Variants in RAG1 observed in about 807,000 individuals in gnomAD.
RAG1 encodes V(D)J recombination-activating protein 1.
A neutral mutation model predicts 62.7 loss-of-function variants in RAG1; 35 were observed. That is an observed-to-expected ratio of 0.56 (90% CI 0.43 to 0.74). The LOEUF is 0.74. Among genes scored for constraint, RAG1 ranks in the 30% least tolerant of loss-of-function variants. The pLI is 0.00. For synonymous variants in RAG1, 461 were observed against 470.3 expected (o/e 0.98, Z 0.26); for missense variants, 1,169 against 1,278.6 (o/e 0.91, Z 1.31).
intron 3 of RAG1, among the ~76,000 whole-genome samples, chr11:36,560,987 T>C (rs2133280300): frequency 6.6e-6 from 1 of 152,340 alleles, no homozygotes; most frequent in Admixed American, 6.5e-5. Context: ...GGAGGTGAGC[T>C]TTGACACTTC....
chr11:36,569,804 G>C (rs1265876103), intron 1 of RAG1, among the ~76,000 whole-genome samples: 1 of 152,134 alleles, frequency 6.6e-6, no homozygotes. Flanking sequence ...ACACTGTTAA[G>C]ATTTTAGTGT....
downstream of RAG1, among the ~76,000 whole-genome samples, chr11:36,541,006 A>G (rs1188304510): frequency 6.6e-6 from 1 of 152,176 alleles, no homozygotes; most frequent in East Asian, 1.9e-4. Context: ...CTCTCCCAAC[A>G]GACATGAGTA....
chr11:36,563,820 C>A (rs979463737), upstream of RAG1, among the ~76,000 whole-genome samples: 63 of 152,118 alleles, frequency 4.1e-4, no homozygotes, highest in Non-Finnish European at 6.0e-4. Context: ...GCAAACTGGG[C>A]AGTTGCCTAG....
intron 3 of RAG1, among the ~76,000 whole-genome samples, chr11:36,550,954 G>A (rs1850472858): frequency 6.6e-6 from 1 of 152,154 alleles, no homozygotes; most frequent in African/African-American, 2.4e-5. Context: ...CCTTGGTTCA[G>A]TGAAGGAGGC....
chr11:36,551,828 A>G (rs200788779), intron 3 of RAG1, among the ~76,000 whole-genome samples: 1,815 of 145,644 alleles, frequency 0.012, 20 homozygotes, highest in East Asian at 0.032. Context: ...TCATTGTTCA[A>G]TTCCCACCTA....
chr11:36,517,056 C>G (rs1341014945), intron 1 of RAG1, among the ~76,000 whole-genome samples: 3 of 152,156 alleles, frequency 2.0e-5, no homozygotes, highest in African/African-American at 7.2e-5. Flanking sequence ...AGGAGAGAAT[C>G]TGAGGCAGGA....
At position 36,577,780 on chromosome 11, in the gene RAG1, C is replaced by G. The variant is rs1590705492; in HGVS notation, c.*1344C>G. The G allele has an allele frequency of 6.0e-6, 1 of 167,058 alleles. No homozygotes were observed. The highest frequency in any genetic ancestry group is 2.4e-5 in the African/African-American group (1 of 41,444). The allele number at this position is 167,058 out of a possible 1,614,324, so 10.3% of individuals were successfully genotyped here. On this transcript the variant is annotated 3_prime_UTR_variant, in exon 2 of 2. Coordinates refer to ENST00000299440, the MANE Select transcript of RAG1 (RefSeq NM_000448.3). ...GTCTCCAAAGCCCTTCTTCTTTCCA[C>G]CACAAATTAATCACTATGTTTATAA... is the stretch of plus-strand genomic sequence containing the variant.
At chr11:36,531,599 G>A (rs192499846) in intron 2 of RAG1, among the ~76,000 whole-genome samples, 24 of 151,900 alleles carry the variant, frequency 1.6e-4, no homozygotes, top group African/African-American at 4.6e-4. Flanking sequence ...TGTAGAAAAC[G>A]TAACTCCTTT....
chr11:36,522,264 G>T (rs1160174963), intron 2 of RAG1, among the ~76,000 whole-genome samples: 1 of 152,196 alleles, frequency 6.6e-6, no homozygotes, highest in Non-Finnish European at 1.5e-5. Context: ...CCGGCCCAGG[G>T]CTCCTGTGCT....
chr11:36,568,513 A>C (rs540771577), intron 1 of RAG1, among the ~76,000 whole-genome samples: 1 of 152,354 alleles, frequency 6.6e-6, no homozygotes, highest in Admixed American at 6.5e-5. Context: ...TTTCCCAGGT[A>C]TTAACAAGTA....
downstream of RAG1, among the ~76,000 whole-genome samples, chr11:36,537,252 A>G (rs1331854672): frequency 6.6e-6 from 1 of 152,204 alleles, no homozygotes; most frequent in African/African-American, 2.4e-5. Context: ...GCACTTTAAA[A>G]TATGTTTAAA....
Position 36,575,569 on chromosome 11 carries a change from G to T in RAG1, c.2265G>T (p.Glu755Asp), listed in dbSNP as rs769483414. 1 of 1,614,220 alleles carries T rather than the reference G, an allele frequency of 6.2e-7. No individual in the cohort carries two copies. The highest frequency in any genetic ancestry group is 8.5e-7 in the Non-Finnish European group (1 of 1,180,040). The change falls in exon 2 of 2, where the codon GAG becomes GAT. Residue 755 changes from glutamate to aspartate, a missense_variant. By Grantham distance (45) the Glu-to-Asp change is conservative (BLOSUM62 2). Coordinates refer to ENST00000299440, the MANE Select transcript of RAG1 (RefSeq NM_000448.3). This position sits in a 1 kb window ranked among gnomAD's most constrained non-coding sequence, Gnocchi z 4.1. ...VFHSITRSHA[E>D]NLERYEVWRS... ...ACTCTATAACCAGAAGCCATGCTGA[G>T]AACCTGGAACGTTATGAGGTCTGGC...
At chr11:36,569,118 G>T (rs1256004866) in intron 1 of RAG1, among the ~76,000 whole-genome samples, 1 of 152,112 alleles carries the variant, frequency 6.6e-6, no homozygotes, top group Non-Finnish European at 1.5e-5. Context: ...GTGGGCAGCT[G>T]GGATGGAAAT....
rs1188280286 is a variant in RAG1 at position 36,579,006 on chromosome 11, T to C, written c.*2570T>C. 6.0e-6 allele frequency: 1 copy of C among 167,070 alleles called. No homozygotes were observed. Among genetic ancestry groups the C allele is most frequent in the Non-Finnish European group, 1.5e-5 (1 of 68,128 alleles). 10.3% of individuals were successfully genotyped at this position (167,070 alleles called of 1,614,324 possible). A position where few individuals can be genotyped will look rare whatever the true frequency, so the allele number is the denominator to read the frequency against. ...TGCAGGGACCAGTGATAATGGCTGA[T>C]GAAAATTGATGATTGGTCAGTGAGG... On this transcript the variant is annotated 3_prime_UTR_variant, in exon 2 of 2. Transcript: ENST00000299440.
chr11:36,571,990 G>A (rs1341694578), intron 1 of RAG1, among the ~76,000 whole-genome samples: 1 of 152,130 alleles, frequency 6.6e-6, no homozygotes, highest in Non-Finnish European at 1.5e-5. Flanking sequence ...GACTTGAAAA[G>A]AGGCTTTGGT....
At chr11:36,512,097 G>A (rs1859933163) in intron 1 of RAG1, among the ~76,000 whole-genome samples, 1 of 152,196 alleles carries the variant, frequency 6.6e-6, no homozygotes, top group South Asian at 2.1e-4. Flanking sequence ...ATAGGAGAGA[G>A]TTTTAGTGCT....
chr11:36,545,667 C>T (rs550868062), intron 3 of RAG1, among the ~76,000 whole-genome samples: 6 of 152,240 alleles, frequency 3.9e-5, no homozygotes, highest in Non-Finnish European at 7.4e-5. Flanking sequence ...TGTACTTTTT[C>T]CAGCTTCTGT....
At chr11:36,562,604 A>G (rs889644836) in intron 3 of RAG1, among the ~76,000 whole-genome samples, 2 of 152,138 alleles carry the variant, frequency 1.3e-5, no homozygotes, top group African/African-American at 4.8e-5. Flanking sequence ...ACTCATTAAG[A>G]ATGAAGCCCA....
At chr11:36,522,146 A>T (rs183864321) in intron 2 of RAG1, among the ~76,000 whole-genome samples, 40 of 152,332 alleles carry the variant, frequency 2.6e-4, no homozygotes, top group African/African-American at 9.6e-4. Flanking sequence ...CCGAATGTTA[A>T]TCTCCAAGAC....
Sources: gnomAD v4.1 joint callset for allele counts (sites outside exome capture counted in the v4.1 genomes callset) on GRCh38, gnomAD v4.1.1 for gene constraint, Gnocchi (gnomAD v3.1) non-coding constraint, MANE v1.5 for transcripts, NCBI Gene and HGNC (gene_info 2026-07-23, HGNC 2026-07-21) for gene names.